GRIP1: variants seen among roughly 807,000 people sequenced by gnomAD.
GRIP1 encodes the protein glutamate receptor interacting protein 1.
Under a neutral mutation model 129.9 loss-of-function variants are expected in GRIP1, and 45 were observed. The ratio of observed to expected loss-of-function variants is 0.35; its 90% CI spans 0.27 to 0.44. GRIP1 has a LOEUF of 0.44. GRIP1 is among the 20% of genes least tolerant of loss of function. The pLI is 1.00. For missense variants in GRIP1, 1,196 were observed against 1,396.8 expected, an observed-to-expected ratio of 0.86 and a Z score of 2.29; for synonymous variants, 530 against 520.8, an observed-to-expected ratio of 1.02 and a Z score of -0.24.
At chr12:66,711,051 T>G (rs928703461) in intron 1 of GRIP1, among the ~76,000 whole-genome samples, 5 of 151,882 alleles carry the variant, frequency 3.3e-5, no homozygotes, top group Non-Finnish European at 7.4e-5. Flanking sequence ...CCTTCATTCT[T>G]CATATATGGT....
chr12:66,760,726 T>C (rs182000512), intron 1 of GRIP1, among the ~76,000 whole-genome samples: 1 of 152,302 alleles, frequency 6.6e-6, no homozygotes, highest in Non-Finnish European at 1.5e-5. Flanking sequence ...AAGAGTATTA[T>C]GAATTTAACT....
intron 2 of GRIP1, among the ~76,000 whole-genome samples, chr12:66,586,908 A>G (rs926704489): frequency 2.0e-5 from 3 of 152,202 alleles, no homozygotes; most frequent in Non-Finnish European, 2.9e-5. Context: ...CAGTTAGAGA[A>G]ATTAAAATAA....
chr12:66,752,981 GA>G (rs1182509967), intron 1 of GRIP1, among the ~76,000 whole-genome samples: 1 of 152,096 alleles, frequency 6.6e-6, no homozygotes, highest in Non-Finnish European at 1.5e-5. Flanking sequence ...AACGCTAGCG[GA>G]AACTTCTCAG....
At chr12:67,003,941 C>T (rs1028292348) in intron 1 of GRIP1, among the ~76,000 whole-genome samples, 1 of 152,088 alleles carries the variant, frequency 6.6e-6, no homozygotes, top group African/African-American at 2.4e-5. Context: ...TCCAGGTGCC[C>T]TTGCAACTTC....
At position 66,380,717 on chromosome 12, in the gene GRIP1, G is replaced by A. The variant is rs138045638; in HGVS notation, c.2465-1281C>T. Among the ~76,000 whole-genome samples the A allele has an allele frequency of 4.4e-3, 669 of 152,324 alleles. 3 individuals are homozygous for A. The highest frequency in any genetic ancestry group is 0.014 in the African/African-American group (579 of 41,562). On this transcript the variant is annotated intron_variant, in intron 19 of 24. Transcript: ENST00000359742. Reference sequence around the variant, plus strand: ...CAACTTTTAGTAGGTGATGGGGTATGTGGTTCTTTAAAATTATTATGGGGG... The same window carrying A: ...CAACTTTTAGTAGGTGATGGGGTATATGGTTCTTTAAAATTATTATGGGGG...
intron 1 of GRIP1, among the ~76,000 whole-genome samples, chr12:66,976,984 T>C (rs905398495): frequency 2.6e-5 from 4 of 152,182 alleles, no homozygotes; most frequent in African/African-American, 7.2e-5. Flanking sequence ...TGTTCTGAAC[T>C]GAATATAAAT....
At chr12:66,350,908 T>C (rs1025790175) in intron 24 of GRIP1, among the ~76,000 whole-genome samples, 1 of 152,238 alleles carries the variant, frequency 6.6e-6, no homozygotes, top group Non-Finnish European at 1.5e-5. Flanking sequence ...TCAAGAGCTT[T>C]ACCATCACAT....
intron 1 of GRIP1, among the ~76,000 whole-genome samples, chr12:66,771,279 T>C (rs1250272083): frequency 6.6e-6 from 1 of 152,138 alleles, no homozygotes; most frequent in Non-Finnish European, 1.5e-5. Context: ...ATACTCTTAT[T>C]CTCATTATTA....
intron 4 of GRIP1, among the ~76,000 whole-genome samples, chr12:66,537,518 T>C (rs1172796049): frequency 4.1e-5 from 3 of 73,836 alleles, no homozygotes; most frequent in African/African-American, 2.8e-4. Context: ...AATGGATATA[T>C]CATATATATA....
intron 2 of GRIP1, among the ~76,000 whole-genome samples, chr12:66,555,945 C>T (rs537723737): frequency 1.9e-4 from 29 of 151,954 alleles, no homozygotes; most frequent in Non-Finnish European, 4.0e-4. Flanking sequence ...AAAGGGCAAA[C>T]CTAAGAGTTA....
At chr12:66,620,679 TTC>T (rs1491550840) in intron 1 of GRIP1, among the ~76,000 whole-genome samples, 2 of 152,088 alleles carry the variant, frequency 1.3e-5, no homozygotes, top group African/African-American at 2.4e-5. Flanking sequence ...TTTCTTTTTT[TTC>T]TTTTTCTTTA....
intron 5 of GRIP1, among the ~76,000 whole-genome samples, chr12:66,521,982 T>G (rs533776104): frequency 1.3e-5 from 2 of 152,242 alleles, no homozygotes; most frequent in African/African-American, 4.8e-5. Flanking sequence ...CAGGATTGAT[T>G]AGGTAAACAA....
At chr12:66,714,890 T>TCCATCCAC (rs751617320) in intron 1 of GRIP1, among the ~76,000 whole-genome samples, 2 of 28,578 alleles carry the variant, frequency 7.0e-5, no homozygotes, top group African/African-American at 2.9e-4. Flanking sequence ...AATCCACCCA[T>TCCATCCAC]CCATCCATCC....
intron 2 of GRIP1, among the ~76,000 whole-genome samples, chr12:66,586,194 T>C (rs954860340): frequency 6.6e-6 from 1 of 152,148 alleles, no homozygotes; most frequent in Non-Finnish European, 1.5e-5. Flanking sequence ...AGGCTTTTAC[T>C]CCCACCTTTT....
intron 1 of GRIP1, among the ~76,000 whole-genome samples, chr12:66,747,468 A>G (rs1462838608): frequency 6.6e-6 from 1 of 152,202 alleles, no homozygotes; most frequent in Non-Finnish European, 1.5e-5. Context: ...CATGAAGTAA[A>G]AGAAGCATTT....
chr12:66,765,634 A>T (rs983643514), intron 1 of GRIP1, among the ~76,000 whole-genome samples: 10 of 152,164 alleles, frequency 6.6e-5, no homozygotes, highest in African/African-American at 2.4e-4. Flanking sequence ...GTAGCTTCAC[A>T]TGGCTTCTCC....
chr12:66,565,780 T>C (rs1444086990), intron 2 of GRIP1, among the ~76,000 whole-genome samples: 2 of 152,236 alleles, frequency 1.3e-5, no homozygotes, highest in African/African-American at 4.8e-5. Context: ...TTCCATTTGT[T>C]TGTGTCCTCT....
intron 4 of GRIP1, among the ~76,000 whole-genome samples, chr12:66,538,565 T>C (rs115147730): frequency 0.023 from 3,475 of 152,256 alleles, 124 homozygotes; most frequent in African/African-American, 0.08. Flanking sequence ...AGTAGTGAGA[T>C]TGGCATATTG....
intron 1 of GRIP1, among the ~76,000 whole-genome samples, chr12:66,727,720 G>C (rs1223154640): frequency 1.3e-5 from 2 of 152,042 alleles, no homozygotes; most frequent in African/African-American, 2.4e-5. Flanking sequence ...ATAGCCTTTT[G>C]AAAGAAGGTA....
Sources: gnomAD v4.1 joint callset for allele counts (sites outside exome capture counted in the v4.1 genomes callset) on GRCh38, gnomAD v4.1.1 for gene constraint, MANE v1.5 for transcripts, NCBI Gene and HGNC (gene_info 2026-07-23, HGNC 2026-07-21) for gene names.